Variants in TAMM41 observed in about 807,000 individuals in gnomAD.
The protein encoded by TAMM41 is TAM41 mitochondrial translocator assembly and maintenance homolog.
A neutral mutation model predicts 44.1 loss-of-function variants in TAMM41; 36 were observed. That is an observed-to-expected ratio of 0.82 (90% CI 0.63 to 1.08). The LOEUF (loss-of-function observed/expected upper bound fraction) is 1.08. Ranked by LOEUF, TAMM41 falls within the 50% of genes least tolerant of loss-of-function variation. The probability of loss-of-function intolerance (pLI) is 0.00; values close to 1 mark genes in which losing one functional copy is unlikely to be tolerated. For missense variants in TAMM41, 417 were observed against 404.3 expected, an observed-to-expected ratio of 1.03 and a Z score of -0.27; for synonymous variants, 164 against 153.1, an observed-to-expected ratio of 1.07 and a Z score of -0.53.
At chr3:11,793,059 CAAAAAAAAAAAAA>C (rs61264653) in intron 7 of TAMM41, among the ~76,000 whole-genome samples, 2 of 65,128 alleles carry the variant, frequency 3.1e-5, no homozygotes, top group Non-Finnish European at 5.2e-5. Flanking sequence ...GGCCCCATCT[CAAAAAAAAAAAAA>C]AAAAAAAAAA....
chr3:11,817,368 C>T, intron 4 of TAMM41, 31 bp from the exon 5 acceptor site: 1 of 1,589,372 alleles, frequency 6.3e-7, no homozygotes, highest in Non-Finnish European at 8.6e-7. Flanking sequence ...AACACATCTT[C>T]CATTAAGAAT....
At chr3:11,724,214 C>T in the TAMM41 span, among the ~76,000 whole-genome samples, 2 of 151,250 alleles carry the variant, frequency 1.3e-5, no homozygotes, top group African/African-American at 4.9e-5. Context: ...AGCGATTCTC[C>T]TGCCTCAGCC....
intron 7 of TAMM41, among the ~76,000 whole-genome samples, chr3:11,806,210 C>T (rs1281999798): frequency 6.6e-6 from 1 of 152,204 alleles, no homozygotes; most frequent in African/African-American, 2.4e-5. Flanking sequence ...GCGTTGTGTT[C>T]ACTTTTGTAT....
At chr3:11,835,248 T>G (rs183737515) in intron 3 of TAMM41, among the ~76,000 whole-genome samples, 113 of 152,294 alleles carry the variant, frequency 7.4e-4, no homozygotes, top group African/African-American at 2.2e-3. Flanking sequence ...GAGGCACAGA[T>G]AGTTTGTTTA....
chr3:11,746,560 C>T, the TAMM41 span, among the ~76,000 whole-genome samples: 961 of 152,026 alleles, frequency 6.3e-3, 12 homozygotes, highest in African/African-American at 0.022. Flanking sequence ...ATATACACAA[C>T]ATGGGTGAAT....
chr3:11,736,608 G>A, the TAMM41 span, among the ~76,000 whole-genome samples: 3 of 152,128 alleles, frequency 2.0e-5, no homozygotes, highest in South Asian at 2.1e-4. Context: ...GTCTTTTATC[G>A]CTGCTCTTGA....
chr3:11,768,414 A>G, the TAMM41 span, among the ~76,000 whole-genome samples: 1 of 152,238 alleles, frequency 6.6e-6, no homozygotes, highest in Non-Finnish European at 1.5e-5. Context: ...TTTGGATTAC[A>G]GGCGTGAGCC....
the TAMM41 span, among the ~76,000 whole-genome samples, chr3:11,759,416 G>T: frequency 4.0e-5 from 6 of 151,806 alleles, no homozygotes. Flanking sequence ...GGTGGAAGGG[G>T]CATTGGGCCA....
chr3:11,732,500 A>G, the TAMM41 span, among the ~76,000 whole-genome samples: 1 of 152,236 alleles, frequency 6.6e-6, no homozygotes, highest in Non-Finnish European at 1.5e-5. Context: ...ATCATTAGCC[A>G]GGAAACATAA....
chr3:11,814,979 AAAAG>A (rs1313378736), intron 5 of TAMM41, among the ~76,000 whole-genome samples: 3 of 152,156 alleles, frequency 2.0e-5, no homozygotes, highest in Admixed American at 1.3e-4. Context: ...AGAAAGAAAG[AAAAG>A]AAAGAAAGAA....
chr3:11,819,735 ATTTTT>A (rs576927631), intron 4 of TAMM41, among the ~76,000 whole-genome samples: 1 of 150,588 alleles, frequency 6.6e-6, no homozygotes, highest in Non-Finnish European at 1.5e-5. Flanking sequence ...TCTCTATGTA[ATTTTT>A]TTTTTAAGCA....
At chr3:11,771,743 C>T in the TAMM41 span, among the ~76,000 whole-genome samples, 47 of 151,334 alleles carry the variant, frequency 3.1e-4, no homozygotes, top group Non-Finnish European at 4.7e-4. Flanking sequence ...CCACCACGCC[C>T]GGCTAATTTT....
At chr3:11,781,761 AATAATAATAATAATAATAATC>A in the TAMM41 span, among the ~76,000 whole-genome samples, 117 of 126,906 alleles carry the variant, frequency 9.2e-4, no homozygotes, top group African/African-American at 2.3e-3. Context: ...TAATAATAAT[AATAATAATAATAATAATAATC>A]ATACAAATAA....
At chr3:11,789,149 G>A (rs2077435003), downstream of TAMM41, among the ~76,000 whole-genome samples, 1 of 152,148 alleles carries the variant, frequency 6.6e-6, no homozygotes, top group Non-Finnish European at 1.5e-5. Context: ...CACAGACAGT[G>A]AAACTATTCA....
chr3:11,756,260 G>C, the TAMM41 span, among the ~76,000 whole-genome samples: 9 of 152,294 alleles, frequency 5.9e-5, no homozygotes, highest in African/African-American at 1.9e-4. Flanking sequence ...CCAAGTGTCT[G>C]GTGGCACTGT....
intron 3 of TAMM41, among the ~76,000 whole-genome samples, chr3:11,835,150 A>G (rs1050832540): frequency 6.6e-6 from 1 of 151,758 alleles, no homozygotes; most frequent in African/African-American, 2.4e-5. Context: ...TTCTTTCTTA[A>G]GATATTTACC....
chr3:11,758,700 A>G, the TAMM41 span, among the ~76,000 whole-genome samples: 2 of 144,652 alleles, frequency 1.4e-5, no homozygotes, highest in Non-Finnish European at 3.0e-5. Context: ...TTGAGATGGA[A>G]TCTTGCTGTG....
the TAMM41 span, among the ~76,000 whole-genome samples, chr3:11,770,336 T>C: frequency 6.6e-6 from 1 of 152,128 alleles, no homozygotes; most frequent in African/African-American, 2.4e-5. Flanking sequence ...GGAGGGCAGC[T>C]GACCGGGGGT....
chr3:11,764,476 T>A, the TAMM41 span, among the ~76,000 whole-genome samples: 1 of 142,078 alleles, frequency 7.0e-6, no homozygotes, highest in African/African-American at 2.7e-5. Context: ...CAATGTCCCA[T>A]AATCTTATTC....
Sources: gnomAD v4.1 joint callset for allele counts (sites outside exome capture counted in the v4.1 genomes callset) on GRCh38, gnomAD v4.1.1 for gene constraint, MANE v1.5 for transcripts, NCBI Gene and HGNC (gene_info 2026-07-23, HGNC 2026-07-21) for gene names.